Variants in PDLIM1 observed in about 807,000 individuals in gnomAD.
PDLIM1 encodes the protein PDZ and LIM domain protein 1.
PDLIM1 carries 25 observed loss-of-function variants against 35.2 expected under a neutral mutation model. That is an observed-to-expected ratio of 0.71 (90% CI 0.52 to 0.99). PDLIM1 has a LOEUF of 0.99. Ranked by LOEUF, PDLIM1 falls within the 50% of genes least tolerant of loss-of-function variation. PDLIM1 has a pLI of 0.00. For synonymous variants in PDLIM1, 152 were observed against 154.0 expected, an observed-to-expected ratio of 0.99 and a Z score of 0.10; for missense variants, 363 against 415.3, an observed-to-expected ratio of 0.87 and a Z score of 1.09.
intron 5 of PDLIM1, 23 bp from the exon 6 acceptor site, chr10:95,238,708 A>G (rs2035148293): frequency 1.4e-6 from 2 of 1,452,556 alleles, no homozygotes; most frequent in Admixed American, 1.7e-5. Context: ...AAACACTGTC[A>G]TTGGCCAGGA....
At chr10:95,256,207 A>G (rs1220050146) in intron 4 of PDLIM1, among the ~76,000 whole-genome samples, 1 of 152,200 alleles carries the variant, frequency 6.6e-6, no homozygotes, top group Non-Finnish European at 1.5e-5. Context: ...ATGCACAAAT[A>G]AACAAAAAGA....
intron 4 of PDLIM1, 68 bp downstream of exon 4, chr10:95,263,796 C>T: frequency 8.0e-7 from 1 of 1,254,324 alleles, no homozygotes; most frequent in Non-Finnish European, 1.1e-6. Flanking sequence ...CCTGCCTGGG[C>T]AGCCCTGGTC....
chr10:95,251,792 T>C (rs2035270255), intron 4 of PDLIM1, among the ~76,000 whole-genome samples: 3 of 152,052 alleles, frequency 2.0e-5, no homozygotes, highest in Admixed American at 2.0e-4. Flanking sequence ...ACATTACATA[T>C]AAAACAACAT....
rs769648695 is a variant in PDLIM1 at position 95,283,603 on chromosome 10, T to C, written c.96+7217A>G. Among the ~76,000 whole-genome samples, 80 of 152,384 alleles carry C rather than the reference T, an allele frequency of 5.2e-4. 1 individual carries two copies. Among genetic ancestry groups the C allele is most frequent in the Non-Finnish European group, 1.0e-3 (68 of 68,040 alleles). ...GAAAGGTTTGCAGCCAGCTGTTCAC[T>C]GTGTTTACCTCTGTAAAGTAAGACT... is the stretch of plus-strand genomic sequence containing the variant. On this transcript the variant is annotated intron_variant, in intron 1 of 6. Transcript: ENST00000329399.
chr10:95,248,606 A>G (rs1457206889), intron 4 of PDLIM1, among the ~76,000 whole-genome samples: 1 of 152,250 alleles, frequency 6.6e-6, no homozygotes, highest in Non-Finnish European at 1.5e-5. Flanking sequence ...ATGTATTCTC[A>G]TTTGACTTAG....
intron 5 of PDLIM1, 30 bp downstream of exon 5, chr10:95,247,185 G>C (rs2035228641): frequency 1.9e-6 from 3 of 1,596,408 alleles, no homozygotes; most frequent in East Asian, 4.5e-5. Flanking sequence ...CCTTGAACAA[G>C]AGCCTCTGAC....
chr10:95,246,814 T>TCTG (rs1490203987), intron 5 of PDLIM1, among the ~76,000 whole-genome samples: 1 of 152,180 alleles, frequency 6.6e-6, no homozygotes, highest in Non-Finnish European at 1.5e-5. Context: ...TCATTCTCAT[T>TCTG]CTGCTGCTCA....
intron 1 of PDLIM1, among the ~76,000 whole-genome samples, chr10:95,277,173 C>T (rs1840117264): frequency 6.6e-6 from 1 of 151,954 alleles, no homozygotes; most frequent in African/African-American, 2.4e-5. Context: ...TGAGACTGTG[C>T]CACTGAACTC....
chr10:95,280,903 T>C (rs938249990), intron 1 of PDLIM1, among the ~76,000 whole-genome samples: 7 of 152,124 alleles, frequency 4.6e-5, no homozygotes, highest in African/African-American at 1.7e-4. Context: ...TTCAAACAGG[T>C]TGGTCATCAG....
intron 1 of PDLIM1, among the ~76,000 whole-genome samples, chr10:95,286,518 G>T (rs1052837832): frequency 3.9e-5 from 6 of 152,138 alleles, no homozygotes; most frequent in Admixed American, 3.3e-4. Context: ...CACCCACCAA[G>T]GTGCTCCGGA....
At chr10:95,283,987 G>C (rs528368345) in intron 1 of PDLIM1, among the ~76,000 whole-genome samples, 20,276 of 107,044 alleles carry the variant, frequency 0.19, 1,530 homozygotes, top group African/African-American at 0.25. Context: ...TTCTCTGTGT[G>C]TGTGTGTGTG....
intron 4 of PDLIM1, 80 bp downstream of exon 4, chr10:95,263,784 C>A (rs4918908): frequency 0.27 from 287,075 of 1,074,596 alleles, 40,202 homozygotes; most frequent in Non-Finnish European, 0.29. Context: ...GTGGCTCTTG[C>A]ACCTGCCTGG....
chr10:95,256,901 G>T (rs972484204), intron 4 of PDLIM1, among the ~76,000 whole-genome samples: 3 of 151,266 alleles, frequency 2.0e-5, no homozygotes, highest in African/African-American at 7.3e-5. Flanking sequence ...CTTGAACCCA[G>T]GAGGTAGAAG....
chr10:95,263,705 C>A (rs2035385827), intron 4 of PDLIM1, among the ~76,000 whole-genome samples, 159 bp downstream of exon 4: 1 of 152,268 alleles, frequency 6.6e-6, no homozygotes, highest in Non-Finnish European at 1.5e-5. Flanking sequence ...GGTATTGTCC[C>A]CTTTGTGTAG....
rs1251384604 is a variant in PDLIM1, at chr10:95,290,813, C to T, written c.96+7G>A. ...CCCGCTTCCACGCACGTCCCAGCTG[C>T]TCTTACCCGGGAAATGGCGAGAGGC... is the stretch of plus-strand genomic sequence containing the variant. On this transcript the variant is annotated splice_region_variant and intron_variant, in intron 1 of 6. Coordinates refer to ENST00000329399, the MANE Select transcript of PDLIM1 (RefSeq NM_020992.4). This position sits in a 1 kb window ranked among gnomAD's most constrained non-coding sequence, Gnocchi z 4.7. 6.5e-7 allele frequency: 1 copy of T among 1,547,724 alleles called. No homozygotes were observed. Among genetic ancestry groups the T allele is most frequent in the Non-Finnish European group, 8.8e-7 (1 of 1,142,630 alleles).
chr10:95,274,631 C>T (rs949131879), intron 1 of PDLIM1, among the ~76,000 whole-genome samples: 12 of 152,106 alleles, frequency 7.9e-5, no homozygotes, highest in Non-Finnish European at 1.6e-4. Flanking sequence ...TTCTTCTTCA[C>T]GGCACTGGTC....
chr10:95,256,031 A>T (rs1485889445), intron 4 of PDLIM1, among the ~76,000 whole-genome samples: 2 of 152,266 alleles, frequency 1.3e-5, no homozygotes, highest in East Asian at 3.9e-4. Context: ...ATAATCCAAA[A>T]AGAAAACTAA....
chr10:95,268,817 C>T lies in PDLIM1; in HGVS notation c.294G>A (p.Lys98=), dbSNP rs769701604. ...VWSPLVTEEG[K]RHPYKMNLAS... is the part of the protein sequence containing the mutation. ...CTAAATTCATCTTGTATGGATGACG[C>T]TTCCCTTCCTCCGTCACCAGAGGAG... is the stretch of plus-strand genomic sequence containing the variant. The change falls in exon 3 of 7, where the codon AAG becomes AAA. Residue 98 remains lysine (K), a synonymous_variant. Coordinates refer to ENST00000329399, the MANE Select transcript of PDLIM1 (RefSeq NM_020992.4). 10 of 1,613,616 alleles carry T rather than the reference C, an allele frequency of 6.2e-6. No homozygotes were observed. In the South Asian group the frequency reaches 1.1e-4, roughly 18 times the overall value.
At chr10:95,287,871 A>T (rs1203838515) in intron 1 of PDLIM1, among the ~76,000 whole-genome samples, 1 of 151,698 alleles carries the variant, frequency 6.6e-6, no homozygotes, top group Non-Finnish European at 1.5e-5. Context: ...TTTTAAGTTG[A>T]TAACGATACT....
Sources: gnomAD v4.1 joint callset for allele counts (sites outside exome capture counted in the v4.1 genomes callset) on GRCh38, gnomAD v4.1.1 for gene constraint, Gnocchi (gnomAD v3.1) non-coding constraint, MANE v1.5 for transcripts, NCBI Gene and HGNC (gene_info 2026-07-23, HGNC 2026-07-21) for gene names.